The following SLC35F4 variants were observed in gnomAD, a reference collection of about 807,000 sequenced individuals.
SLC35F4 encodes chromosome 14 open reading frame 36.
A neutral mutation model predicts 44.2 loss-of-function variants in SLC35F4; 24 were observed. The ratio of observed to expected loss-of-function variants is 0.54; its 90% CI spans 0.39 to 0.76. The LOEUF (loss-of-function observed/expected upper bound fraction) is 0.76. Among genes scored for constraint, SLC35F4 ranks in the 30% least tolerant of loss-of-function variants. The pLI is 0.00. For missense variants in SLC35F4, 562 were observed against 586.1 expected, an observed-to-expected ratio of 0.96 and a Z score of 0.42; for synonymous variants, 238 against 223.6, an observed-to-expected ratio of 1.06 and a Z score of -0.57.
chr14:57,946,767 C>A (rs746752997), intron 1 of SLC35F4, among the ~76,000 whole-genome samples: 1 of 152,062 alleles, frequency 6.6e-6, no homozygotes, highest in East Asian at 1.9e-4. Flanking sequence ...TGAGCCACCA[C>A]GTTGGCCATA....
chr14:57,584,497 C>A (rs965953694), intron 3 of SLC35F4, among the ~76,000 whole-genome samples: 3 of 152,050 alleles, frequency 2.0e-5, no homozygotes, highest in Non-Finnish European at 4.4e-5. Flanking sequence ...AAAAAAAGAT[C>A]GAGAATCTAA....
chr14:57,964,687 G>A (rs1890400863), intron 1 of SLC35F4, among the ~76,000 whole-genome samples: 1 of 151,982 alleles, frequency 6.6e-6, no homozygotes, highest in South Asian at 2.1e-4. Context: ...TCATGTTGGT[G>A]CAGAAACACT....
chr14:57,687,809 T>G (rs1441896742), intron 1 of SLC35F4, among the ~76,000 whole-genome samples: 4 of 152,160 alleles, frequency 2.6e-5, no homozygotes, highest in Non-Finnish European at 4.4e-5. Context: ...AAGAAAAACA[T>G]TCATCAATGT....
rs376236504 is a variant in SLC35F4, at chr14:57,581,337, G to A, written c.684C>T (p.Tyr228=). The A allele has an allele frequency of 5.5e-5, 89 of 1,613,468 alleles. 1 individual carries two copies. The highest frequency in any genetic ancestry group is 2.2e-5 in the East Asian group (1 of 44,880). The change falls in exon 4 of 8, where the codon TAC becomes TAT. Residue 228 remains tyrosine, a synonymous_variant. Transcript: ENST00000556826. ...GCTTCTTTAAAGCCAGTAAATAAAG[G>A]TAATTAGTCAAAGTCCATAGAATAG... ...PFSILWTLTN[Y]LYLLALKKLT... is the part of the protein sequence containing the mutation.
At chr14:57,719,651 A>G (rs1171790657) in intron 1 of SLC35F4, among the ~76,000 whole-genome samples, 2 of 150,358 alleles carry the variant, frequency 1.3e-5, no homozygotes, top group African/African-American at 4.9e-5. Context: ...TGATTTTTGT[A>G]TGTTAACTTT....
Position 57,906,660 on chromosome 14 carries a change from G to C in SLC35F4, n.282+75253C>G, listed in dbSNP as rs140791065. Among the ~76,000 whole-genome samples the C allele has an allele frequency of 5.0e-4, 76 of 152,260 alleles. 1 individual carries two copies. Among genetic ancestry groups the C allele is most frequent in the Admixed American group, 3.1e-3 (48 of 15,304 alleles). ...ATAAATGTTGCCTTACTGAAAAGTT[G>C]TATCAATTTGCATGCAGGTATCTTA... On this transcript the variant is annotated intron_variant and non_coding_transcript_variant, in intron 1 of 1. Transcript: ENST00000556568.
chr14:57,823,352 A>G (rs1328048995), intron 1 of SLC35F4, among the ~76,000 whole-genome samples: 1 of 152,158 alleles, frequency 6.6e-6, no homozygotes, highest in East Asian at 1.9e-4. Context: ...CCCTGTCCTC[A>G]TAGATCTCAG....
chr14:57,661,011 G>T (rs995377621), intron 1 of SLC35F4, among the ~76,000 whole-genome samples: 3 of 152,174 alleles, frequency 2.0e-5, no homozygotes, highest in Non-Finnish European at 4.4e-5. Context: ...TGTTTGGATT[G>T]TTCCATTTCT....
intron 1 of SLC35F4, among the ~76,000 whole-genome samples, chr14:57,642,370 A>G (rs966031875): frequency 1.3e-5 from 2 of 151,958 alleles, no homozygotes; most frequent in Non-Finnish European, 2.9e-5. Flanking sequence ...TTAGGTGATC[A>G]TTTTGCTTTT....
intron 1 of SLC35F4, 52 bp from the exon 2 acceptor site, chr14:57,594,176 G>T: frequency 6.7e-7 from 1 of 1,496,612 alleles, no homozygotes; most frequent in South Asian, 1.2e-5. Flanking sequence ...CAAATTGGAA[G>T]TAGATTTTAT....
At chr14:57,717,007 C>T (rs979312883) in intron 1 of SLC35F4, among the ~76,000 whole-genome samples, 6 of 152,170 alleles carry the variant, frequency 3.9e-5, no homozygotes, top group Admixed American at 6.5e-5. Context: ...TCACTCAACA[C>T]AGTGTCCTAC....
intron 1 of SLC35F4, among the ~76,000 whole-genome samples, chr14:57,823,396 G>A (rs931772932): frequency 6.6e-6 from 1 of 152,102 alleles, no homozygotes. Flanking sequence ...TTGTTTACTT[G>A]TCATTGTCTG....
At chr14:57,921,538 G>A (rs1889444239) in intron 1 of SLC35F4, among the ~76,000 whole-genome samples, 1 of 152,180 alleles carries the variant, frequency 6.6e-6, no homozygotes, top group Non-Finnish European at 1.5e-5. Context: ...CCACAAATTG[G>A]TTGGCTTAAA....
At chr14:57,596,008 C>T (rs1049007779) in intron 1 of SLC35F4, 1 of 152,168 alleles carries the variant, frequency 6.6e-6, no homozygotes, top group African/African-American at 2.4e-5. Context: ...AGGGTGACTA[C>T]AGTCAACAAT....
At chr14:57,635,392 G>A (rs2072977650) in intron 1 of SLC35F4, among the ~76,000 whole-genome samples, 1 of 152,078 alleles carries the variant, frequency 6.6e-6, no homozygotes, top group African/African-American at 2.4e-5. Flanking sequence ...CTAAGCGGCT[G>A]ATTTCAGATG....
chr14:57,909,553 C>G (rs995207940), intron 1 of SLC35F4, among the ~76,000 whole-genome samples: 1 of 112,344 alleles, frequency 8.9e-6, no homozygotes, highest in Non-Finnish European at 2.0e-5. Flanking sequence ...CACACACACA[C>G]ACACACACAC....
intron 1 of SLC35F4, among the ~76,000 whole-genome samples, chr14:57,916,084 G>C (rs1326571368): frequency 6.6e-6 from 1 of 152,168 alleles, no homozygotes; most frequent in African/African-American, 2.4e-5. Flanking sequence ...CACAGTTCTG[G>C]AGGTGAAGAA....
At chr14:57,937,064 C>CTTGCTTTT (rs1555329412) in intron 1 of SLC35F4, among the ~76,000 whole-genome samples, 1 of 144,218 alleles carries the variant, frequency 6.9e-6, no homozygotes, top group Non-Finnish European at 1.5e-5. Flanking sequence ...ATTTTACCTG[C>CTTGCTTTT]TTTTTTTTTT....
chr14:57,616,705 T>C (rs1595061280), intron 1 of SLC35F4, among the ~76,000 whole-genome samples: 1 of 152,170 alleles, frequency 6.6e-6, no homozygotes, highest in East Asian at 1.9e-4. Flanking sequence ...TCTATTCCCT[T>C]TACTTGTTGC....
Sources: allele counts gnomAD v4.1 joint callset (sites outside exome capture counted in the v4.1 genomes callset), GRCh38; gene constraint gnomAD v4.1.1; transcripts MANE v1.5; gene names NCBI Gene and HGNC (gene_info 2026-07-23, HGNC 2026-07-21).